Variants in EEF1E1 observed in about 807,000 individuals in gnomAD.
The protein encoded by EEF1E1 is eukaryotic translation elongation factor 1 epsilon-1.
Under a neutral mutation model 19.9 loss-of-function variants are expected in EEF1E1, and 19 were observed. The ratio of observed to expected loss-of-function variants is 0.95; its 90% confidence interval spans 0.66 to 1.40. The LOEUF (loss-of-function observed/expected upper bound fraction) is 1.40. Ranked by LOEUF, EEF1E1 falls within the 40% of genes most tolerant of loss-of-function variation. The pLI, the probability that EEF1E1 is intolerant of heterozygous loss-of-function variation, is 0.00. For missense variants in EEF1E1, 198 were observed against 202.2 expected (o/e 0.98, Z 0.13); for synonymous variants, 81 against 80.0 (o/e 1.01, Z -0.07).
rs543219260 is a variant in EEF1E1 at position 8,086,333 on chromosome 6, TC to T, written c.384+3852del. Among the ~76,000 whole-genome samples the T allele has an allele frequency of 3.4e-3, 523 of 152,260 alleles. 3 individuals are homozygous for T. Among genetic ancestry groups the T allele is most frequent in the South Asian group, 7.9e-3 (38 of 4,804 alleles). On this transcript the variant is annotated intron_variant, in intron 3 of 3. Coordinates refer to ENST00000379715, the MANE Select transcript of EEF1E1 (RefSeq NM_004280.5). ...TGGTTACAATCCCTGTCTTCTCTCTTCAACCTCAACTGAAAACCCATACTCA... is the reference window on the plus strand; with the variant it reads ...TGGTTACAATCCCTGTCTTCTCTCTTAACCTCAACTGAAAACCCATACTCA...
At chr6:8,074,318 G>A (rs989768800) in intron 3 of EEF1E1, among the ~76,000 whole-genome samples, 5 of 152,038 alleles carry the variant, frequency 3.3e-5, no homozygotes, top group African/African-American at 1.2e-4. Context: ...TAACATATAC[G>A]TGTAATTTAC....
At chr6:8,080,636 G>A (rs1757700994) in intron 3 of EEF1E1, among the ~76,000 whole-genome samples, 1 of 152,170 alleles carries the variant, frequency 6.6e-6, no homozygotes, top group African/African-American at 2.4e-5. Flanking sequence ...ACAAACTGCA[G>A]GTGCTTATCA....
At chr6:8,094,030 C>G (rs939467790) in intron 2 of EEF1E1, among the ~76,000 whole-genome samples, 1 of 152,056 alleles carries the variant, frequency 6.6e-6, no homozygotes, top group East Asian at 1.9e-4. Context: ...GACTCCTAAC[C>G]TCAAGTGATC....
At chr6:8,081,275 T>A (rs1295322250) in intron 3 of EEF1E1, among the ~76,000 whole-genome samples, 1 of 152,238 alleles carries the variant, frequency 6.6e-6, no homozygotes, top group Non-Finnish European at 1.5e-5. Flanking sequence ...ATATTCATCT[T>A]GTTTAAGGTT....
At chr6:8,089,349 T>C (rs1163010861) in intron 3 of EEF1E1, among the ~76,000 whole-genome samples, 2 of 152,072 alleles carry the variant, frequency 1.3e-5, no homozygotes, top group Non-Finnish European at 2.9e-5. Flanking sequence ...AATACATAAA[T>C]ATATAAAGGG....
chr6:8,097,464 G>C lies in EEF1E1; in HGVS notation c.91C>G (p.Pro31Ala). Residue 31 changes from proline to alanine, a missense_variant, in exon 2 of 4, where the codon CCA becomes GCA. By Grantham distance (27) the Pro-to-Ala change is conservative. Transcript: ENST00000379715. ...GGACCATTGTTTGTCTGAAGAACTG[G>C]AATCTTAAAAAGAAAAAAAAGTTCA... ...KYSAQGERQI[P>A]VLQTNNGPSL... 1 of 1,610,026 alleles carries C rather than the reference G, an allele frequency of 6.2e-7. No homozygotes were observed. The highest frequency in any genetic ancestry group is 1.3e-5 in the African/African-American group (1 of 74,752).
In EEF1E1 at chr6:8,092,868, GCTTTTT is replaced by G. The variant is rs1174143607; in HGVS notation, c.289-2593_289-2588del. 3.7e-4 allele frequency among the ~76,000 whole-genome samples: 40 copies of G among 108,200 alleles called. 1 individual carries two copies. Among genetic ancestry groups the G allele is most frequent in the Non-Finnish European group, 3.2e-4 (17 of 53,748 alleles). 71.0% of individuals were successfully genotyped at this position (108,200 alleles called of 152,430 possible). ...GTTTTGTGTTTTAGTGATAAAGACT[GCTTTTT>G]TTTTTTTTTTTTTTTTTTGAGATGG... is the stretch of plus-strand genomic sequence containing the variant. On this transcript the variant is annotated intron_variant, in intron 2 of 3. Transcript: ENST00000379715.
downstream of EEF1E1, among the ~76,000 whole-genome samples, chr6:8,078,895 T>C (rs1757660272): frequency 6.6e-6 from 1 of 152,174 alleles, no homozygotes; most frequent in Admixed American, 6.5e-5. Context: ...AAAGTTCTGC[T>C]AGAACTTTGA....
At chr6:8,091,292 C>G (rs12526001) in intron 2 of EEF1E1, among the ~76,000 whole-genome samples, 13,593 of 152,136 alleles carry the variant, frequency 0.089, 793 homozygotes, top group Admixed American at 0.18. Flanking sequence ...ATTAGTGATT[C>G]CAGCATCTTT....
At chr6:8,090,335 G>A (rs1019192354) in intron 2 of EEF1E1, 54 bp from the exon 3 acceptor site, 3 of 1,243,570 alleles carry the variant, frequency 2.4e-6, no homozygotes, top group African/African-American at 1.6e-5. Flanking sequence ...TAATAATAAA[G>A]TTAATTATCA....
At chr6:8,080,106 A>G in intron 3 of EEF1E1, 76 bp from the exon 4 acceptor site, 1 of 1,510,344 alleles carries the variant, frequency 6.6e-7, no homozygotes, top group South Asian at 1.2e-5. Context: ...CTTAAGTAGG[A>G]GATAGAAGTT....
At position 8,079,941 on chromosome 6, in the gene EEF1E1, A is replaced by T; in HGVS notation, c.474T>A (p.His158Gln). Residue 158 changes from histidine (H) to glutamine (Q), a missense_variant, in exon 4 of 4, where the codon CAT (histidine) becomes CAA (glutamine). By Grantham distance (24) the His-to-Gln change is conservative. Coordinates refer to ENST00000379715, the MANE Select transcript of EEF1E1 (RefSeq NM_004280.5). ...HIQHYPGIRQ[H>Q]LSSVVFIKNR... is the part of the protein sequence containing the mutation. Reference sequence around the variant, plus strand: ...TCTTGATGAAGACAACACTAGACAGATGTTGCCTGATGCCTGGATAATGCT... The same window carrying T: ...TCTTGATGAAGACAACACTAGACAGTTGTTGCCTGATGCCTGGATAATGCT... The T allele has an allele frequency of 6.2e-7, 1 of 1,613,362 alleles. No homozygotes were observed. The highest frequency in any genetic ancestry group is 8.5e-7 in the Non-Finnish European group (1 of 1,179,908).
At chr6:8,096,467 T>C (rs1758177307) in intron 2 of EEF1E1, among the ~76,000 whole-genome samples, 3 of 152,222 alleles carry the variant, frequency 2.0e-5, no homozygotes, top group African/African-American at 7.2e-5. Context: ...TGATGGCATC[T>C]ATCAAGAACA....
chr6:8,073,561 G>C, intron 3 of EEF1E1: 1 of 1,549,750 alleles, frequency 6.5e-7, no homozygotes, highest in Non-Finnish European at 8.7e-7. Flanking sequence ...ACTTAGAATA[G>C]TGCCTGATAC....
chr6:8,102,456 G>T lies in EEF1E1; in HGVS notation c.66C>A (p.Tyr22Ter). Residue 22 changes from tyrosine to a stop codon, truncating the protein, a stop_gained, in exon 1 of 4, where the codon TAC becomes TAA. Coordinates refer to ENST00000379715, the MANE Select transcript of EEF1E1 (RefSeq NM_004280.5). LOFTEE classifies it high-confidence loss of function. ...KSLGLSKGNK[Y>*]SAQGERQIPV... ...TCACCTGTCGCTCGCCCTGAGCACT[G>T]TATTTATTCCCCTTACTCAGTCCCA... is the stretch of plus-strand genomic sequence containing the variant. 1 of 1,612,630 alleles carries T rather than the reference G, an allele frequency of 6.2e-7. No individual in the cohort carries two copies.
At chr6:8,096,005 A>G (rs1435241768) in intron 2 of EEF1E1, among the ~76,000 whole-genome samples, 1 of 152,208 alleles carries the variant, frequency 6.6e-6, no homozygotes, top group Non-Finnish European at 1.5e-5. Context: ...GCGGTCAGAC[A>G]AGGAAGACAA....
downstream of EEF1E1, among the ~76,000 whole-genome samples, chr6:8,074,801 C>T (rs939020358): frequency 6.6e-6 from 1 of 152,150 alleles, no homozygotes; most frequent in Non-Finnish European, 1.5e-5. Flanking sequence ...AAGTTAGTTG[C>T]GAGAAGTCCT....
At chr6:8,076,745 C>T (rs1301692752), downstream of EEF1E1, among the ~76,000 whole-genome samples, 2 of 152,146 alleles carry the variant, frequency 1.3e-5, no homozygotes, top group Non-Finnish European at 2.9e-5. Context: ...TTTTTATCTC[C>T]ATCAGAGCTC....
intron 3 of EEF1E1, among the ~76,000 whole-genome samples, chr6:8,088,477 G>A (rs1391548680): frequency 6.6e-6 from 1 of 152,132 alleles, no homozygotes; most frequent in East Asian, 1.9e-4. Context: ...CTGTTCTTGT[G>A]ATAGTGAATA....
Sources: gnomAD v4.1 joint callset for allele counts (sites outside exome capture counted in the v4.1 genomes callset) on GRCh38, gnomAD v4.1.1 for gene constraint, MANE v1.5 for transcripts, NCBI Gene and HGNC (gene_info 2026-07-23, HGNC 2026-07-21) for gene names.